LMBR1: variants seen among roughly 807,000 people sequenced by gnomAD.
LMBR1 encodes the protein limb development membrane protein 1.
A neutral mutation model predicts 73.9 loss-of-function variants in LMBR1; 52 were observed. That is an observed-to-expected ratio of 0.70 (90% CI 0.56 to 0.89). The LOEUF (loss-of-function observed/expected upper bound fraction) is 0.89, where lower values mean the gene tolerates loss of function less well. Among genes scored for constraint, LMBR1 ranks in the 40% least tolerant of loss-of-function variants. The probability of loss-of-function intolerance (pLI) is 0.00; values close to 1 mark genes in which losing one functional copy is unlikely to be tolerated. For synonymous variants in LMBR1, 215 were observed against 209.4 expected (o/e 1.03, Z -0.23); for missense variants, 539 against 579.8 (o/e 0.93, Z 0.72).
downstream of LMBR1, chr7:156,676,199 A>G: frequency 7.0e-7 from 1 of 1,424,576 alleles, no homozygotes; most frequent in Non-Finnish European, 9.4e-7. Flanking sequence ...CAGGTGGGTT[A>G]CTAACCCTTT....
rs933318141 is a variant in LMBR1 at position 156,680,558 on chromosome 7, G to T, written c.*3520C>A. ...CTGGGTTAAGCTGTCCAGACCACAA[G>T]TAGGTGCTGTTCAGTCCTTTTATGG... On this transcript the variant is annotated 3_prime_UTR_variant, in exon 17 of 17. Transcript: ENST00000353442. 1 of 152,460 alleles carries T rather than the reference G, an allele frequency of 6.6e-6. No individual in the cohort carries two copies. The highest frequency in any genetic ancestry group is 2.4e-5 in the African/African-American group (1 of 41,438). 9.4% of individuals were successfully genotyped at this position (152,460 alleles called of 1,614,324 possible).
At chr7:156,827,959 G>A (rs535764525) in intron 3 of LMBR1, among the ~76,000 whole-genome samples, 11 of 152,152 alleles carry the variant, frequency 7.2e-5, no homozygotes, top group Non-Finnish European at 1.5e-4. Flanking sequence ...AATAGACACC[G>A]CATTTCCTGG....
intron 4 of LMBR1, among the ~76,000 whole-genome samples, chr7:156,820,126 A>C (rs1008965024): frequency 2.0e-5 from 3 of 152,186 alleles, no homozygotes; most frequent in African/African-American, 7.2e-5. Flanking sequence ...CCAGAATAAC[A>C]GAAGATTATC....
chr7:156,697,046 G>T (rs1438820297), intron 15 of LMBR1, among the ~76,000 whole-genome samples: 3 of 144,732 alleles, frequency 2.1e-5, no homozygotes, highest in Non-Finnish European at 4.5e-5. Flanking sequence ...GTGTAGGCCA[G>T]CTGAGAGAGA....
chr7:156,688,239 T>C, intron 15 of LMBR1, 48 bp from the exon 16 acceptor site: 1 of 1,351,024 alleles, frequency 7.4e-7, no homozygotes, highest in African/African-American at 1.5e-5. Context: ...GGTTAAGACA[T>C]ATTTAGTGTG....
At chr7:156,860,909 C>T (rs139688963) in intron 1 of LMBR1, among the ~76,000 whole-genome samples, 228 of 152,360 alleles carry the variant, frequency 1.5e-3, no homozygotes, top group African/African-American at 5.2e-3. Flanking sequence ...GCCCCTGTGG[C>T]GGAGGATAGC....
At chr7:156,798,023 A>G (rs1830339488) in intron 4 of LMBR1, among the ~76,000 whole-genome samples, 1 of 152,230 alleles carries the variant, frequency 6.6e-6, no homozygotes, top group Non-Finnish European at 1.5e-5. Flanking sequence ...AAAGAGTATA[A>G]TTAGAGTCAA....
At chr7:156,803,347 G>A (rs1288051656) in intron 4 of LMBR1, among the ~76,000 whole-genome samples, 1 of 151,864 alleles carries the variant, frequency 6.6e-6, no homozygotes, top group Admixed American at 6.6e-5. Context: ...CGAAGGATAT[G>A]AACAGACACT....
At chr7:156,799,398 A>C (rs1276508932) in intron 4 of LMBR1, among the ~76,000 whole-genome samples, 1 of 152,128 alleles carries the variant, frequency 6.6e-6, no homozygotes, top group East Asian at 1.9e-4. Flanking sequence ...AATACTTCAA[A>C]CATTTTCACT....
chr7:156,767,141 C>T (rs1305606269), intron 5 of LMBR1, among the ~76,000 whole-genome samples: 1 of 152,060 alleles, frequency 6.6e-6, no homozygotes, highest in African/African-American at 2.4e-5. Context: ...GTGGGGGTCT[C>T]CCTGTCCTTC....
At position 156,744,493 on chromosome 7, in the gene LMBR1, A is replaced by G. The variant is rs556379044; in HGVS notation, c.758-10236T>C. ...CTTAAGCTCATTGATATTTTCTTCT[A>G]TTTTTTATTTACCTACTTTTCCTAC... On this transcript the variant is annotated intron_variant, in intron 9 of 16. Transcript: ENST00000353442. Among the ~76,000 whole-genome samples, 16 of 151,856 alleles carry G rather than the reference A, an allele frequency of 1.1e-4. 1 individual carries two copies. Among genetic ancestry groups the G allele is most frequent in the Admixed American group, 9.2e-4 (14 of 15,260 alleles).
chr7:156,892,109 G>A (rs1803111542), intron 1 of LMBR1, among the ~76,000 whole-genome samples: 1 of 152,194 alleles, frequency 6.6e-6, no homozygotes, highest in Non-Finnish European at 1.5e-5. Flanking sequence ...ACTTTCCAAG[G>A]TCAAGTCCGC....
At chr7:156,810,019 T>C (rs951983712) in intron 4 of LMBR1, among the ~76,000 whole-genome samples, 1 of 152,146 alleles carries the variant, frequency 6.6e-6, no homozygotes, top group African/African-American at 2.4e-5. Flanking sequence ...CCCTGTGTGT[T>C]AGCCCACTTT....
chr7:156,690,505 T>C (rs1806953606), intron 15 of LMBR1, among the ~76,000 whole-genome samples: 1 of 152,304 alleles, frequency 6.6e-6, no homozygotes, highest in Admixed American at 6.5e-5. Flanking sequence ...ACGGTAAGAA[T>C]GGAAGGTATG....
intron 15 of LMBR1, among the ~76,000 whole-genome samples, chr7:156,707,291 G>A (rs1235116245): frequency 6.6e-6 from 1 of 152,124 alleles, no homozygotes; most frequent in East Asian, 1.9e-4. Context: ...ATTCACAGCT[G>A]AATTCTACCA....
chr7:156,851,586 T>TG (rs1278828445), intron 1 of LMBR1, among the ~76,000 whole-genome samples: 2 of 152,140 alleles, frequency 1.3e-5, no homozygotes, highest in South Asian at 2.1e-4. Context: ...ATGGTAAAGT[T>TG]GGGGGGCTGG....
intron 4 of LMBR1, among the ~76,000 whole-genome samples, chr7:156,821,076 T>C (rs563863553): frequency 6.6e-6 from 1 of 152,272 alleles, no homozygotes; most frequent in Admixed American, 6.5e-5. Flanking sequence ...ACCACCAAGT[T>C]ACCATGGGAC....
chr7:156,866,598 T>C (rs1026857454), intron 1 of LMBR1, among the ~76,000 whole-genome samples: 1 of 149,508 alleles, frequency 6.7e-6, no homozygotes, highest in Admixed American at 6.7e-5. Flanking sequence ...ATGAGTTTTT[T>C]CTGGGGATTT....
chr7:156,672,162 G>A (rs1434937742), intron 4 of LMBR1, among the ~76,000 whole-genome samples: 3 of 152,326 alleles, frequency 2.0e-5, no homozygotes, highest in African/African-American at 4.8e-5. Context: ...GGAGCACTAA[G>A]TGTTAAGGGC....
Sources: allele counts gnomAD v4.1 joint callset (sites outside exome capture counted in the v4.1 genomes callset), GRCh38; gene constraint gnomAD v4.1.1; transcripts MANE v1.5; gene names NCBI Gene and HGNC (gene_info 2026-07-23, HGNC 2026-07-21).